PHF14: variants seen among roughly 807,000 people sequenced by gnomAD.
PHF14 encodes PHD finger protein 14.
A neutral mutation model predicts 117.9 loss-of-function variants in PHF14; 55 were observed. The observed-to-expected ratio is 0.47, with a 90% CI of 0.38 to 0.58. The LOEUF is 0.58. PHF14 is among the 20% of genes least tolerant of loss of function. The probability of loss-of-function intolerance (pLI) is 0.00; values close to 1 mark genes in which losing one functional copy is unlikely to be tolerated. For missense variants in PHF14, 978 were observed against 1,122.2 expected (o/e 0.87, Z 1.84); for synonymous variants, 409 against 368.6 (o/e 1.11, Z -1.26).
intron 5 of PHF14, among the ~76,000 whole-genome samples, chr7:11,016,194 G>T (rs983643044): frequency 6.6e-6 from 1 of 152,020 alleles, no homozygotes; most frequent in African/African-American, 2.4e-5. Context: ...GAACACTTGT[G>T]CTAATGTCTA....
chr7:11,043,718 G>A lies in PHF14; in HGVS notation c.2312+904G>A, dbSNP rs145987150. ...AGTTTGTTTTGAGATATTCATACTG[G>A]CCTGTTCTTTTGAAATGCAGTGGAA... On this transcript the variant is annotated intron_variant, in intron 13 of 17. Transcript: ENST00000634607. 1.5e-3 allele frequency among the ~76,000 whole-genome samples: 225 copies of A among 152,068 alleles called. 2 individuals are homozygous for A. Among genetic ancestry groups the A allele is most frequent in the African/African-American group, 5.2e-3 (217 of 41,530 alleles).
chr7:11,138,975 G>C (rs1341333675), intron 17 of PHF14, among the ~76,000 whole-genome samples: 1 of 152,054 alleles, frequency 6.6e-6, no homozygotes, highest in East Asian at 1.9e-4. Flanking sequence ...TTTTTCCCCT[G>C]AATGAGTTTT....
chr7:11,158,799 A>T (rs960038510), intron 17 of PHF14, among the ~76,000 whole-genome samples: 2 of 152,160 alleles, frequency 1.3e-5, no homozygotes, highest in African/African-American at 4.8e-5. Flanking sequence ...CTTACAGATT[A>T]GCCTGAAGTC....
chr7:11,166,973 C>T (rs1343348450), intron 17 of PHF14, among the ~76,000 whole-genome samples: 1 of 152,120 alleles, frequency 6.6e-6, no homozygotes, highest in African/African-American at 2.4e-5. Context: ...ACTTAACTGG[C>T]ATATCTATAT....
At chr7:11,144,552 T>C (rs1360514172) in intron 17 of PHF14, among the ~76,000 whole-genome samples, 1 of 149,450 alleles carries the variant, frequency 6.7e-6, no homozygotes, top group Admixed American at 6.7e-5. Flanking sequence ...CCATGTTTAT[T>C]GTAGCACTAT....
intron 17 of PHF14, among the ~76,000 whole-genome samples, chr7:11,122,456 TTGTG>T (rs200805558): frequency 1.4e-5 from 2 of 139,922 alleles, no homozygotes; most frequent in African/African-American, 2.7e-5. Flanking sequence ...TATATATATA[TTGTG>T]TGTGTGTGTG....
intron 4 of PHF14, among the ~76,000 whole-genome samples, chr7:10,993,736 G>A (rs945375700): frequency 1.9e-4 from 29 of 152,248 alleles, no homozygotes; most frequent in East Asian, 5.8e-4. Context: ...GGCTGGGTAC[G>A]GTGGCTCATG....
At chr7:11,106,251 A>G (rs1240054341) in intron 16 of PHF14, 1 of 968,124 alleles carries the variant, frequency 1.0e-6, no homozygotes, top group Non-Finnish European at 1.2e-6. Context: ...ATATTTTTCT[A>G]ATTTTTTAAA....
intron 3 of PHF14, among the ~76,000 whole-genome samples, chr7:10,990,223 A>G (rs1232789353): frequency 1.3e-5 from 2 of 152,142 alleles, no homozygotes; most frequent in Non-Finnish European, 2.9e-5. Flanking sequence ...GTTATTTTGA[A>G]TTGATTTTTT....
chr7:10,981,276 CA>C (rs1396106672), intron 2 of PHF14, among the ~76,000 whole-genome samples: 3 of 152,052 alleles, frequency 2.0e-5, no homozygotes, highest in African/African-American at 7.2e-5. Context: ...GCTATAGGTG[CA>C]AAAAAATTCA....
At chr7:11,104,705 C>T (rs535532032) in intron 16 of PHF14, 2 of 800,108 alleles carry the variant, frequency 2.5e-6, no homozygotes, top group African/African-American at 3.7e-5. Flanking sequence ...TGTAAAAACA[C>T]AGGTGACTAC....
chr7:11,080,771 G>A (rs1266403956), intron 16 of PHF14, among the ~76,000 whole-genome samples: 3 of 152,198 alleles, frequency 2.0e-5, no homozygotes, highest in East Asian at 1.9e-4. Context: ...TGTTAGTGAT[G>A]TGATTAAAGC....
At chr7:10,995,158 A>G (rs187246275) in intron 4 of PHF14, among the ~76,000 whole-genome samples, 22 of 152,266 alleles carry the variant, frequency 1.4e-4, no homozygotes, top group African/African-American at 5.3e-4. Flanking sequence ...ACCTTGAGCT[A>G]GACACAGAGT....
chr7:11,042,962 C>A, intron 13 of PHF14, 148 bp downstream of exon 13: 1 of 572,930 alleles, frequency 1.7e-6, no homozygotes, highest in Non-Finnish European at 2.9e-6. Context: ...CATTATGTGA[C>A]TAAATCTATA....
At chr7:11,051,117 T>G (rs905267344) in intron 13 of PHF14, among the ~76,000 whole-genome samples, 22 of 152,132 alleles carry the variant, frequency 1.4e-4, no homozygotes, top group African/African-American at 5.1e-4. Context: ...CATAGCTCAC[T>G]GCAGCCTCCA....
chr7:11,157,218 A>C lies in PHF14; in HGVS notation c.2773-12198A>C, dbSNP rs527572515. On this transcript the variant is annotated intron_variant, in intron 17 of 17. Coordinates refer to ENST00000634607, the MANE Select transcript of PHF14 (RefSeq NM_001007157.2). ...TCTGGCACACAATCATTGTTCAATA[A>C]ATTTTTGAGGGAGGAAGAAAGGAAG... 1.8e-4 allele frequency among the ~76,000 whole-genome samples: 27 copies of C among 152,278 alleles called. 2 individuals are homozygous for C. The South Asian group carries it at 5.6e-3, about 32-fold the overall frequency.
intron 5 of PHF14, among the ~76,000 whole-genome samples, chr7:11,016,477 G>A (rs373608544): frequency 1.3e-5 from 2 of 152,108 alleles, no homozygotes; most frequent in South Asian, 2.1e-4. Context: ...GTGATTTAAT[G>A]TAAGAAAACC....
chr7:11,042,590 A>G (rs1036488812), intron 12 of PHF14, 93 bp from the exon 13 acceptor site: 26 of 799,556 alleles, frequency 3.3e-5, no homozygotes, highest in Admixed American at 1.4e-4. Flanking sequence ...TTAAATCAAG[A>G]TGAAATTTTG....
intron 4 of PHF14, among the ~76,000 whole-genome samples, chr7:10,995,259 A>G (rs1782597197): frequency 6.6e-6 from 1 of 151,742 alleles, no homozygotes; most frequent in African/African-American, 2.4e-5. Flanking sequence ...TGATTGGTAT[A>G]TTTACAATCC....
Sources: allele counts gnomAD v4.1 joint callset (sites outside exome capture counted in the v4.1 genomes callset), GRCh38; gene constraint gnomAD v4.1.1; transcripts MANE v1.5; gene names NCBI Gene and HGNC (gene_info 2026-07-23, HGNC 2026-07-21).